Variants in RAPGEF2 observed in about 807,000 individuals in gnomAD.
RAPGEF2 encodes Rap guanine nucleotide exchange factor 2, also known as PDZ domain containing guanine nucleotide exchange factor (GEF) 1.
RAPGEF2 carries 54 observed loss-of-function variants against 186.7 expected under a neutral mutation model. That is an observed-to-expected ratio of 0.29 (90% confidence interval 0.23 to 0.36). The LOEUF (loss-of-function observed/expected upper bound fraction) is 0.36. Among genes scored for constraint, RAPGEF2 ranks in the 10% least tolerant of loss-of-function variants. RAPGEF2 has a pLI of 1.00. For synonymous variants in RAPGEF2, 712 were observed against 705.9 expected, an observed-to-expected ratio of 1.01 and a Z score of -0.14; for missense variants, 1,532 against 2,045.0, an observed-to-expected ratio of 0.75 and a Z score of 4.84.
At position 159,267,095 on chromosome 4, in the gene RAPGEF2, G is replaced by A. The variant is rs1468126720; in HGVS notation, c.543+23304G>A. The A allele has an allele frequency of 4.5e-6, 5 of 1,113,974 alleles. No individual in the cohort carries two copies. In the African/African-American group the frequency reaches 6.5e-5, roughly 14 times the overall value. 69.0% of individuals were successfully genotyped at this position (1,113,974 alleles called of 1,614,324 possible). A position where few individuals can be genotyped will look rare whatever the true frequency, so the allele number is the denominator to read the frequency against. ...TTTCAGTGTGTATAGGGAGAGGGAG[G>A]GTGAGAGAGAAATCCACTTACATCA... On this transcript the variant is annotated intron_variant, in intron 7 of 29. Coordinates refer to ENST00000691494, the MANE Select transcript of RAPGEF2 (RefSeq NM_001394067.2).
intron 28 of RAPGEF2, among the ~76,000 whole-genome samples, chr4:159,354,679 ATC>A: frequency 6.6e-6 from 1 of 152,218 alleles, no homozygotes; most frequent in Admixed American, 6.5e-5. Flanking sequence ...CTGTTTCCTC[ATC>A]TGTAAAATGA....
At chr4:159,198,306 C>CT (rs1306491404) in intron 3 of RAPGEF2, among the ~76,000 whole-genome samples, 1 of 67,026 alleles carries the variant, frequency 1.5e-5, no homozygotes, top group African/African-American at 1.3e-4. Context: ...TTCTTTCTTT[C>CT]TTTCTTTCTT....
At chr4:159,172,283 A>G (rs1316906637) in intron 1 of RAPGEF2, among the ~76,000 whole-genome samples, 1 of 152,116 alleles carries the variant, frequency 6.6e-6, no homozygotes, top group African/African-American at 2.4e-5. Flanking sequence ...TAGCTGATAG[A>G]CCCAACCACC....
intron 4 of RAPGEF2, 133 bp from the exon 5 acceptor site, chr4:159,238,676 C>T (rs370815036): frequency 7.4e-5 from 37 of 501,600 alleles, no homozygotes; most frequent in East Asian, 3.9e-4. Flanking sequence ...AAAGATAATT[C>T]ACTTTCTCCA....
At chr4:159,299,529 G>A (rs945733825) in intron 7 of RAPGEF2, among the ~76,000 whole-genome samples, 7 of 151,768 alleles carry the variant, frequency 4.6e-5, no homozygotes, top group Admixed American at 2.6e-4. Flanking sequence ...CAGATGCTGC[G>A]CTATATCAAT....
chr4:159,298,181 T>C (rs937895323), intron 7 of RAPGEF2, among the ~76,000 whole-genome samples: 4 of 152,212 alleles, frequency 2.6e-5, no homozygotes, highest in Non-Finnish European at 4.4e-5. Flanking sequence ...CCTTATCTTA[T>C]CAGTTTATTA....
intron 3 of RAPGEF2, among the ~76,000 whole-genome samples, chr4:159,197,966 C>G (rs1396328998): frequency 6.6e-6 from 1 of 152,150 alleles, no homozygotes; most frequent in Non-Finnish European, 1.5e-5. Flanking sequence ...GCCTCTTCTT[C>G]CTGCCGCGTT....
intron 8 of RAPGEF2, among the ~76,000 whole-genome samples, chr4:159,305,221 G>A (rs890665245): frequency 1.3e-5 from 2 of 152,236 alleles, no homozygotes; most frequent in South Asian, 2.1e-4. Flanking sequence ...AGATTGAATC[G>A]TAGTTCTATT....
At chr4:159,111,997 C>G (rs1011273504) in intron 1 of RAPGEF2, among the ~76,000 whole-genome samples, 8 of 152,204 alleles carry the variant, frequency 5.3e-5, no homozygotes, top group African/African-American at 1.9e-4. Flanking sequence ...CTCCCCCACC[C>G]CACCTCTGGG....
At chr4:159,342,349 A>G (rs1383814195) in intron 20 of RAPGEF2, among the ~76,000 whole-genome samples, 1 of 151,956 alleles carries the variant, frequency 6.6e-6, no homozygotes, top group Admixed American at 6.6e-5. Context: ...AGTTCCATCA[A>G]ATAGCACAAA....
At chr4:159,222,637 G>A (rs1368320931) in intron 4 of RAPGEF2, among the ~76,000 whole-genome samples, 1 of 152,146 alleles carries the variant, frequency 6.6e-6, no homozygotes, top group East Asian at 1.9e-4. Context: ...CTGTGCCCCG[G>A]TTGTTTTTGG....
intron 8 of RAPGEF2, among the ~76,000 whole-genome samples, chr4:159,312,332 A>G (rs1764046704): frequency 1.3e-5 from 2 of 152,182 alleles, no homozygotes; most frequent in African/African-American, 2.4e-5. Flanking sequence ...ATAGTCTTCA[A>G]TGTGAAGATG....
chr4:159,120,017 T>G lies in RAPGEF2; in HGVS notation c.69+15786T>G, dbSNP rs552035783. 3.9e-5 allele frequency among the ~76,000 whole-genome samples: 6 copies of G among 152,298 alleles called. No individual in the cohort carries two copies. In the South Asian group the frequency reaches 1.2e-3, roughly 32 times the overall value. On this transcript the variant is annotated intron_variant, in intron 1 of 29. Transcript: ENST00000691494. ...GTCATCACTCCCCAAAGCTGAATCA[T>G]CATTTCTTTTTTGTTTGTTTTTTTG... is the stretch of plus-strand genomic sequence containing the variant.
chr4:159,133,009 GT>G (rs764223510), intron 1 of RAPGEF2, among the ~76,000 whole-genome samples: 1 of 150,986 alleles, frequency 6.6e-6, no homozygotes, highest in Non-Finnish European at 1.5e-5. Flanking sequence ...TTCATTGCTT[GT>G]TTATTCTTCC....
At chr4:159,115,057 C>G (rs918701709) in intron 1 of RAPGEF2, among the ~76,000 whole-genome samples, 1 of 152,096 alleles carries the variant, frequency 6.6e-6, no homozygotes, top group Non-Finnish European at 1.5e-5. Flanking sequence ...ACATTTTCCC[C>G]CTTGTATCTA....
intron 8 of RAPGEF2, 140 bp downstream of exon 8, chr4:159,304,613 T>C: frequency 1.3e-6 from 1 of 765,600 alleles, no homozygotes; most frequent in East Asian, 3.1e-5. Flanking sequence ...TTAATGTTTA[T>C]TTCGTATATG....
intron 1 of RAPGEF2, among the ~76,000 whole-genome samples, chr4:159,139,246 A>G (rs1342687790): frequency 6.6e-6 from 1 of 152,190 alleles, no homozygotes; most frequent in Non-Finnish European, 1.5e-5. Flanking sequence ...GAATTCATAC[A>G]ATAGCATGGA....
intron 7 of RAPGEF2, among the ~76,000 whole-genome samples, chr4:159,264,005 G>C (rs2110761191): frequency 6.6e-6 from 1 of 152,232 alleles, no homozygotes; most frequent in Non-Finnish European, 1.5e-5. Flanking sequence ...TCTAGTTAAT[G>C]CTACTTGGTA....
At chr4:159,192,433 G>C (rs1293893662) in intron 2 of RAPGEF2, among the ~76,000 whole-genome samples, 1 of 152,188 alleles carries the variant, frequency 6.6e-6, no homozygotes, top group Non-Finnish European at 1.5e-5. Context: ...TGGAGGTGCT[G>C]TTGAAATAAA....
Sources: gnomAD v4.1 joint callset for allele counts (sites outside exome capture counted in the v4.1 genomes callset) on GRCh38, gnomAD v4.1.1 for gene constraint, MANE v1.5 for transcripts, NCBI Gene and HGNC (gene_info 2026-07-23, HGNC 2026-07-21) for gene names.